The following BBS9 variants were observed in gnomAD, a reference collection of about 807,000 sequenced individuals.
BBS9 encodes the protein protein PTHB1.
BBS9 carries 89 observed loss-of-function variants against 117.7 expected under a neutral mutation model. The ratio of observed to expected loss-of-function variants is 0.76; its 90% confidence interval spans 0.64 to 0.90. BBS9 has a LOEUF of 0.90. Among genes scored for constraint, BBS9 ranks in the 40% least tolerant of loss-of-function variants. The pLI is 0.00. For synonymous variants in BBS9, 379 were observed against 370.9 expected (o/e 1.02, Z -0.25); for missense variants, 982 against 1,042.2 (o/e 0.94, Z 0.80).
intron 11 of BBS9, 145 bp downstream of exon 11, chr7:33,341,118 A>AT (rs1816451058): frequency 1.4e-6 from 1 of 707,490 alleles, no homozygotes; most frequent in Non-Finnish European, 2.5e-6. Flanking sequence ...TATTTTCTAG[A>AT]TAAAAACATT....
intron 9 of BBS9, among the ~76,000 whole-genome samples, chr7:33,300,823 T>C (rs898241660): frequency 6.6e-6 from 1 of 152,148 alleles, no homozygotes; most frequent in African/African-American, 2.4e-5. Flanking sequence ...GCCTAAAAAA[T>C]GCTCTTTACT....
chr7:33,303,225 T>A (rs1806880682), intron 9 of BBS9, among the ~76,000 whole-genome samples: 1 of 152,210 alleles, frequency 6.6e-6, no homozygotes, highest in Admixed American at 6.5e-5. Context: ...ATAATTTCAC[T>A]TTGTCCTTTC....
At chr7:33,223,477 C>T (rs1790658070) in intron 5 of BBS9, among the ~76,000 whole-genome samples, 1 of 152,158 alleles carries the variant, frequency 6.6e-6, no homozygotes, top group South Asian at 2.1e-4. Flanking sequence ...ATGCACAACA[C>T]ACTTTTCCTC....
chr7:33,522,772 G>GT (rs1563298904), intron 20 of BBS9, among the ~76,000 whole-genome samples: 1 of 151,314 alleles, frequency 6.6e-6, no homozygotes, highest in Non-Finnish European at 1.5e-5. Flanking sequence ...TTTGTCAATT[G>GT]TGTCTTTTGT....
At chr7:33,435,650 T>A (rs2128886598) in intron 19 of BBS9, among the ~76,000 whole-genome samples, 1 of 152,310 alleles carries the variant, frequency 6.6e-6, no homozygotes, top group African/African-American at 2.4e-5. Flanking sequence ...GGGTTGGCAA[T>A]ATCCTGTGTT....
chr7:33,410,797 C>T (rs1479224674), intron 19 of BBS9, among the ~76,000 whole-genome samples: 1 of 152,110 alleles, frequency 6.6e-6, no homozygotes, highest in Non-Finnish European at 1.5e-5. Context: ...AGCCTAAAAA[C>T]ATGTTGAGGT....
intron 21 of BBS9, among the ~76,000 whole-genome samples, chr7:33,633,568 G>A (rs1412192706): frequency 3.4e-5 from 5 of 148,762 alleles, no homozygotes; most frequent in African/African-American, 1.2e-4. Flanking sequence ...TAGGAGAGGA[G>A]CTCTTTACCA....
At chr7:33,318,298 T>C (rs1041044014) in intron 9 of BBS9, among the ~76,000 whole-genome samples, 2 of 152,226 alleles carry the variant, frequency 1.3e-5, no homozygotes, top group Non-Finnish European at 2.9e-5. Context: ...GGATGTTTCA[T>C]GTATTTGCTT....
At chr7:33,602,926 G>A (rs952818760) in intron 21 of BBS9, among the ~76,000 whole-genome samples, 4 of 152,138 alleles carry the variant, frequency 2.6e-5, no homozygotes, top group Middle Eastern at 3.2e-3. Flanking sequence ...AGGAAATTAC[G>A]TTCATTGTTG....
At chr7:33,583,028 C>G (rs1044703341) in intron 21 of BBS9, among the ~76,000 whole-genome samples, 6 of 152,106 alleles carry the variant, frequency 3.9e-5, no homozygotes, top group Non-Finnish European at 5.9e-5. Flanking sequence ...TTTCATTTTG[C>G]TGGTATCTAC....
At chr7:33,606,106 T>C (rs921899248), downstream of BBS9, 2 of 152,114 alleles carry the variant, frequency 1.3e-5, no homozygotes, top group Admixed American at 1.3e-4. Context: ...AAGTTGTTCA[T>C]GGTTTTTCTA....
intron 4 of BBS9, among the ~76,000 whole-genome samples, chr7:33,171,656 T>C (rs965265485): frequency 2.0e-5 from 3 of 152,228 alleles, no homozygotes; most frequent in African/African-American, 7.2e-5. Flanking sequence ...ATGTAGCTTT[T>C]CTGTATCATA....
At chr7:33,375,458 G>A (rs906695286) in intron 17 of BBS9, among the ~76,000 whole-genome samples, 1 of 151,996 alleles carries the variant, frequency 6.6e-6, no homozygotes, top group Admixed American at 6.6e-5. Context: ...CTGAGAAAAT[G>A]TTTAGTAATC....
chr7:33,456,625 AT>A (rs374450561), intron 19 of BBS9, among the ~76,000 whole-genome samples: 78 of 151,208 alleles, frequency 5.2e-4, no homozygotes, highest in Non-Finnish European at 9.6e-4. Context: ...TCCCCTAAGT[AT>A]TTTTTTTTCT....
chr7:33,293,304 A>G (rs890027287), intron 9 of BBS9, among the ~76,000 whole-genome samples: 11 of 152,046 alleles, frequency 7.2e-5, no homozygotes, highest in South Asian at 4.1e-4. Flanking sequence ...AAAAATTGGT[A>G]TCAGAATTAT....
chr7:33,143,408 G>T (rs1359965622), intron 1 of BBS9, among the ~76,000 whole-genome samples: 2 of 151,788 alleles, frequency 1.3e-5, no homozygotes, highest in African/African-American at 4.8e-5. Flanking sequence ...TTTTCTTCTT[G>T]CAATCATCAT....
chr7:33,336,445 T>A lies in BBS9; in HGVS notation c.1021T>A (p.Leu341Ile). ...ATTTTCTCTTCCTTATTGTAGTGAT[T>A]TAAAGGGAGTGATAGTCACTCTGAG... Reference protein sequence around the residue: ...VAVRVGCLHDLKGVIVTLSDD... With the variant: ...VAVRVGCLHDIKGVIVTLSDD... Residue 341 changes from leucine (L) to isoleucine (I), a missense_variant, in exon 10 of 23, where the codon TTA becomes ATA. Transcript: ENST00000242067. The A allele has an allele frequency of 6.2e-7, 1 of 1,612,978 alleles. No individual in the cohort carries two copies. Among genetic ancestry groups the A allele is most frequent in the East Asian group, 2.2e-5 (1 of 44,832 alleles).
intron 2 of BBS9, among the ~76,000 whole-genome samples, chr7:33,146,720 A>ATT (rs1792450936): frequency 6.9e-6 from 1 of 144,314 alleles, no homozygotes; most frequent in African/African-American, 2.7e-5. Flanking sequence ...AAAAAAAAAG[A>ATT]GATAAAAATG....
intron 16 of BBS9, among the ~76,000 whole-genome samples, chr7:33,364,348 T>C (rs1171228405): frequency 6.6e-6 from 1 of 152,168 alleles, no homozygotes; most frequent in Non-Finnish European, 1.5e-5. Flanking sequence ...TTTTCTACAG[T>C]TATGTGAATA....
Sources: allele counts gnomAD v4.1 joint callset (sites outside exome capture counted in the v4.1 genomes callset), GRCh38; gene constraint gnomAD v4.1.1; transcripts MANE v1.5; gene names NCBI Gene and HGNC (gene_info 2026-07-23, HGNC 2026-07-21).